POU3F3: variants seen among roughly 807,000 people sequenced by gnomAD.
The protein encoded by POU3F3 is POU class 3 homeobox 3.
Under a neutral mutation model 8.6 loss-of-function variants are expected in POU3F3, and 1 was observed. The observed-to-expected ratio is 0.12, with a 90% CI of 0.04 to 0.55. POU3F3 has a LOEUF of 0.55. POU3F3 is among the 20% of genes least tolerant of loss of function. The probability of loss-of-function intolerance (pLI) is 0.91; values close to 1 mark genes in which losing one functional copy is unlikely to be tolerated. For synonymous variants in POU3F3, 418 were observed against 327.4 expected, an observed-to-expected ratio of 1.28 and a Z score of -2.99; for missense variants, 577 against 690.7, an observed-to-expected ratio of 0.84 and a Z score of 1.84.
At chr2:104,908,031 T>C in the POU3F3 span, among the ~76,000 whole-genome samples, 3 of 152,220 alleles carry the variant, frequency 2.0e-5, no homozygotes. Flanking sequence ...GATTGGATAT[T>C]GTCTTTATTA....
the POU3F3 span, among the ~76,000 whole-genome samples, chr2:104,925,100 T>C: frequency 3.3e-5 from 5 of 152,216 alleles, no homozygotes; most frequent in Non-Finnish European, 7.4e-5. Context: ...TATTCACTCC[T>C]AGCCTACCTT....
At chr2:104,900,453 T>G in the POU3F3 span, among the ~76,000 whole-genome samples, 1 of 152,192 alleles carries the variant, frequency 6.6e-6, no homozygotes. Context: ...CCCCCTAACT[T>G]AAGTCTTTTA....
the POU3F3 span, among the ~76,000 whole-genome samples, chr2:104,899,975 G>A: frequency 3.3e-5 from 5 of 152,338 alleles, no homozygotes; most frequent in East Asian, 9.7e-4. Context: ...ACATAGCAGG[G>A]AGCCCACTTA....
At chr2:104,914,658 T>A in the POU3F3 span, among the ~76,000 whole-genome samples, 1 of 152,172 alleles carries the variant, frequency 6.6e-6, no homozygotes, top group Non-Finnish European at 1.5e-5. Flanking sequence ...ATTGGAAGAC[T>A]GGCTGACTCA....
chr2:104,855,950 C>A lies in POU3F3; in HGVS notation c.440C>A (p.Pro147His). 9.4e-7 allele frequency: 1 copy of A among 1,061,140 alleles called. No individual in the cohort carries two copies. The highest frequency in any genetic ancestry group is 1.1e-6 in the Non-Finnish European group (1 of 876,726). 65.7% of individuals were successfully genotyped at this position (1,061,140 alleles called of 1,614,324 possible). A position where few individuals can be genotyped will look rare whatever the true frequency, so the allele number is the denominator to read the frequency against. Residue 147 changes from proline to histidine, a missense_variant, in exon 1 of 1, where the codon CCC (proline) becomes CAC (histidine). This residue lies in a region of POU3F3 where 484 missense variants were observed against 422.6 expected (regional missense o/e 1.15). Coordinates refer to ENST00000361360, the MANE Select transcript of POU3F3 (RefSeq NM_006236.3). ...PQPPPPPPQGPDVKGGAGRDD... is the reference protein window; with the variant it reads ...PQPPPPPPQGHDVKGGAGRDD... Reference sequence around the variant, plus strand: ...CCGCCGCCGCCACCGCCGCAGGGCCCCGACGTGAAGGGCGGCGCCGGGCGC... The same window carrying A: ...CCGCCGCCGCCACCGCCGCAGGGCCACGACGTGAAGGGCGGCGCCGGGCGC...
rs1319165169 is a variant in POU3F3 at position 104,854,473 on chromosome 2, C to T, written c.-1038C>T. ...AAAAAAATAAAACACCAACCCCAACCGTCAGCAACAAGGTAACAGAGCGAT... is the reference window on the plus strand; with the variant it reads ...AAAAAAATAAAACACCAACCCCAACTGTCAGCAACAAGGTAACAGAGCGAT... On this transcript the variant is annotated 5_prime_UTR_variant, in exon 1 of 1. Transcript: ENST00000361360. The surrounding 1 kb of genome is among the most constrained non-coding windows in gnomAD (Gnocchi z 4.5). Among the ~76,000 whole-genome samples, 2 of 152,220 alleles carry T rather than the reference C, an allele frequency of 1.3e-5. No individual in the cohort carries two copies. The highest frequency in any genetic ancestry group is 2.9e-5 in the Non-Finnish European group (2 of 68,032).
At chr2:104,886,389 C>G in the POU3F3 span, among the ~76,000 whole-genome samples, 4 of 152,278 alleles carry the variant, frequency 2.6e-5, no homozygotes, top group Non-Finnish European at 5.9e-5. Flanking sequence ...ACATGTTGTA[C>G]AGGTCTGCAG....
chr2:104,876,639 G>A, the POU3F3 span, among the ~76,000 whole-genome samples: 5 of 149,336 alleles, frequency 3.3e-5, no homozygotes, highest in Non-Finnish European at 7.4e-5. Flanking sequence ...TTAAGTGAAA[G>A]TATCCAGAGT....
the POU3F3 span, among the ~76,000 whole-genome samples, chr2:104,911,093 A>G: frequency 1.3e-5 from 2 of 152,096 alleles, no homozygotes; most frequent in Non-Finnish European, 2.9e-5. Flanking sequence ...ATGCCCATAG[A>G]TACTGAGGGA....
the POU3F3 span, among the ~76,000 whole-genome samples, chr2:104,879,579 G>A: frequency 6.6e-6 from 1 of 152,174 alleles, no homozygotes; most frequent in Non-Finnish European, 1.5e-5. Flanking sequence ...GTGTAAAGGT[G>A]GCTGGTGATT....
At chr2:104,912,286 G>A in the POU3F3 span, among the ~76,000 whole-genome samples, 2 of 152,202 alleles carry the variant, frequency 1.3e-5, no homozygotes, top group Admixed American at 1.3e-4. Flanking sequence ...GAGGGAGTTT[G>A]GGGCTGGGGA....
At chr2:104,919,035 C>A in the POU3F3 span, among the ~76,000 whole-genome samples, 1 of 152,014 alleles carries the variant, frequency 6.6e-6, no homozygotes, top group African/African-American at 2.4e-5. Flanking sequence ...CCACGCCCAG[C>A]TAATTTTGTA....
At chr2:104,879,173 A>C in the POU3F3 span, among the ~76,000 whole-genome samples, 1 of 152,102 alleles carries the variant, frequency 6.6e-6, no homozygotes, top group African/African-American at 2.4e-5. Context: ...GGCACACAAC[A>C]CATGCATACA....
chr2:104,893,883 C>CAA, the POU3F3 span, among the ~76,000 whole-genome samples: 52 of 87,700 alleles, frequency 5.9e-4, no homozygotes, highest in African/African-American at 1.7e-3. Flanking sequence ...AACTCTGTCT[C>CAA]AAAAAAAAAA....
At chr2:104,867,835 G>T in the POU3F3 span, 2 of 171,644 alleles carry the variant, frequency 1.2e-5, no homozygotes, top group African/African-American at 4.8e-5. The surrounding 1 kb of genome is among the most constrained non-coding windows in gnomAD (Gnocchi z 5.0). Flanking sequence ...CAGAACGGAC[G>T]CCCCCACGAC....
At chr2:104,906,764 T>C in the POU3F3 span, among the ~76,000 whole-genome samples, 1 of 152,200 alleles carries the variant, frequency 6.6e-6, no homozygotes, top group African/African-American at 2.4e-5. Context: ...TTTGTTTGTT[T>C]TTCTATTGTG....
At chr2:104,868,447 T>C in the POU3F3 span, 3 of 430,368 alleles carry the variant, frequency 7.0e-6, no homozygotes, top group African/African-American at 6.1e-5. Flanking sequence ...TTCCCCTACT[T>C]CTTGGTGTCC....
chr2:104,876,762 T>A, the POU3F3 span, among the ~76,000 whole-genome samples: 1 of 152,220 alleles, frequency 6.6e-6, no homozygotes, highest in African/African-American at 2.4e-5. Flanking sequence ...TCTGACAGGA[T>A]GGTTGGCACA....
the POU3F3 span, among the ~76,000 whole-genome samples, chr2:104,894,450 G>A: frequency 3.3e-5 from 5 of 152,154 alleles, no homozygotes; most frequent in African/African-American, 1.2e-4. Context: ...GTGGGTTCCC[G>A]GTCACAGCCC....
Sources: allele counts gnomAD v4.1 joint callset (sites outside exome capture counted in the v4.1 genomes callset), GRCh38; gene constraint gnomAD v4.1.1; regional missense constraint gnomAD v4.1.1; non-coding constraint Gnocchi (gnomAD v3.1); transcripts MANE v1.5; gene names NCBI Gene and HGNC (gene_info 2026-07-23, HGNC 2026-07-21).